RORA: variants seen among roughly 807,000 people sequenced by gnomAD.
RORA encodes RAR related orphan receptor A, also known as nuclear receptor ROR-alpha.
RORA carries 7 observed loss-of-function variants against 69.5 expected under a neutral mutation model. The ratio of observed to expected loss-of-function variants is 0.10; its 90% CI spans 0.06 to 0.19. The LOEUF is 0.19. RORA is among the 10% of genes least tolerant of loss of function. The probability of loss-of-function intolerance (pLI) is 1.00; values close to 1 mark genes in which losing one functional copy is unlikely to be tolerated. For synonymous variants in RORA, 261 were observed against 240.8 expected (o/e 1.08, Z -0.78); for missense variants, 457 against 663.0 (o/e 0.69, Z 3.41).
intron 2 of RORA, among the ~76,000 whole-genome samples, chr15:60,549,497 T>C (rs2067168720): frequency 6.6e-6 from 1 of 152,166 alleles, no homozygotes; most frequent in South Asian, 2.1e-4. Context: ...GAGAAAATAT[T>C]CTGCAGTTTC....
At chr15:61,166,114 G>A (rs1257544286) in intron 1 of RORA, among the ~76,000 whole-genome samples, 2 of 152,198 alleles carry the variant, frequency 1.3e-5, no homozygotes, top group Non-Finnish European at 2.9e-5. Flanking sequence ...CCAGTATGTG[G>A]AAGAGAAATG....
chr15:60,976,696 G>A (rs1165808108), intron 1 of RORA, among the ~76,000 whole-genome samples: 2 of 152,026 alleles, frequency 1.3e-5, no homozygotes, highest in Admixed American at 6.5e-5. Context: ...GACCCCAGAC[G>A]GGCTCATTAA....
chr15:60,755,319 C>A (rs577812483), intron 1 of RORA, among the ~76,000 whole-genome samples: 359 of 151,858 alleles, frequency 2.4e-3, no homozygotes, highest in African/African-American at 7.9e-3. Context: ...TGAACTCATC[C>A]TTTTTTACGG....
chr15:61,202,620 G>A (rs566431288), intron 1 of RORA, among the ~76,000 whole-genome samples: 81 of 152,190 alleles, frequency 5.3e-4, no homozygotes, highest in South Asian at 1.5e-3. Flanking sequence ...TTGCAGCCTC[G>A]CTTGGCCAGA....
At chr15:61,153,228 G>A (rs2079413360) in intron 1 of RORA, among the ~76,000 whole-genome samples, 1 of 152,144 alleles carries the variant, frequency 6.6e-6, no homozygotes, top group Admixed American at 6.5e-5. Context: ...ATGTCCAGGA[G>A]TTCGCCCTTA....
intron 1 of RORA, among the ~76,000 whole-genome samples, chr15:60,885,593 G>A (rs1409919380): frequency 1.3e-5 from 2 of 152,182 alleles, no homozygotes; most frequent in Non-Finnish European, 2.9e-5. Context: ...CCAGGCAAGA[G>A]GATGACAATG....
chr15:61,113,570 G>A (rs1175632096), intron 1 of RORA, among the ~76,000 whole-genome samples: 8 of 152,190 alleles, frequency 5.3e-5, no homozygotes, highest in Non-Finnish European at 8.8e-5. Flanking sequence ...TCGTAAACCA[G>A]GTGCCTCCAG....
intron 2 of RORA, among the ~76,000 whole-genome samples, chr15:60,664,939 A>AT (rs2140724717): frequency 6.6e-6 from 1 of 152,200 alleles, no homozygotes; most frequent in East Asian, 1.9e-4. Context: ...GCTAAAGGAC[A>AT]TTTTTAAAAG....
intron 2 of RORA, among the ~76,000 whole-genome samples, chr15:60,644,732 G>A (rs1371126945): frequency 6.6e-6 from 1 of 152,102 alleles, no homozygotes; most frequent in East Asian, 1.9e-4. Context: ...CGTGTTCTGT[G>A]GCTGGTGTGT....
At chr15:60,770,532 C>A (rs1377108532) in intron 1 of RORA, among the ~76,000 whole-genome samples, 3 of 152,154 alleles carry the variant, frequency 2.0e-5, no homozygotes, top group Admixed American at 6.5e-5. Context: ...CTACAGGGAA[C>A]CCCTTAGATG....
intron 1 of RORA, among the ~76,000 whole-genome samples, chr15:61,151,036 G>A (rs182878955): frequency 1.1e-3 from 171 of 152,356 alleles, no homozygotes; most frequent in African/African-American, 3.9e-3. Flanking sequence ...TAGCAAGTAA[G>A]TTGCACACAT....
chr15:60,690,133 CA>C (rs907733921), intron 1 of RORA, among the ~76,000 whole-genome samples: 7 of 152,166 alleles, frequency 4.6e-5, no homozygotes, highest in African/African-American at 1.7e-4. Flanking sequence ...TGGGGTCCTC[CA>C]AAAACAGAGT....
At chr15:60,508,944 T>A (rs2065603086) in intron 5 of RORA, among the ~76,000 whole-genome samples, 1 of 152,228 alleles carries the variant, frequency 6.6e-6, no homozygotes, top group South Asian at 2.1e-4. Flanking sequence ...GAAGTCATAT[T>A]TTTCACTAAA....
intron 1 of RORA, among the ~76,000 whole-genome samples, chr15:60,894,204 G>T (rs376919108): frequency 6.6e-6 from 1 of 152,230 alleles, no homozygotes; most frequent in East Asian, 1.9e-4. Flanking sequence ...TGGCAAAGCC[G>T]CTTCAGCGAT....
intron 1 of RORA, among the ~76,000 whole-genome samples, chr15:60,766,827 G>A (rs540790944): frequency 9.9e-5 from 15 of 152,014 alleles, no homozygotes; most frequent in Admixed American, 5.9e-4. Flanking sequence ...GCTTTTCCTC[G>A]CCCCTGGTGT....
chr15:61,029,114 C>A (rs1031253296), intron 1 of RORA, among the ~76,000 whole-genome samples: 1 of 151,936 alleles, frequency 6.6e-6, no homozygotes, highest in Non-Finnish European at 1.5e-5. Flanking sequence ...GAATTATACA[C>A]TCTAGATGGG....
At chr15:61,184,937 A>G (rs2079725113) in intron 1 of RORA, among the ~76,000 whole-genome samples, 1 of 138,384 alleles carries the variant, frequency 7.2e-6, no homozygotes, top group Admixed American at 8.1e-5. Context: ...CTGAGCTATG[A>G]TTGTCCCACT....
At chr15:60,681,533 G>A (rs1361981682) in intron 1 of RORA, 1 of 152,158 alleles carries the variant, frequency 6.6e-6, no homozygotes, top group Non-Finnish European at 1.5e-5. Context: ...ATATTGAATT[G>A]AATCTAGAAT....
chr15:60,520,670 A>G (rs369606202), intron 3 of RORA, among the ~76,000 whole-genome samples: 1 of 152,124 alleles, frequency 6.6e-6, no homozygotes, highest in Admixed American at 6.5e-5. Flanking sequence ...GGTCATACAG[A>G]GAGCAGGGGA....
Sources: allele counts gnomAD v4.1 joint callset (sites outside exome capture counted in the v4.1 genomes callset), GRCh38; gene constraint gnomAD v4.1.1; transcripts MANE v1.5; gene names NCBI Gene and HGNC (gene_info 2026-07-23, HGNC 2026-07-21).